DZIP3: variants seen among roughly 807,000 people sequenced by gnomAD.
DZIP3 encodes DAZ interacting zinc finger protein 3.
Under a neutral mutation model 162.0 loss-of-function variants are expected in DZIP3, and 118 were observed. That is an observed-to-expected ratio of 0.73 (90% CI 0.63 to 0.85). The LOEUF is 0.85. Ranked by LOEUF, DZIP3 falls within the 40% of genes least tolerant of loss-of-function variation. The probability of loss-of-function intolerance (pLI) is 0.00; values close to 1 mark genes in which losing one functional copy is unlikely to be tolerated. For missense variants in DZIP3, 1,331 were observed against 1,407.0 expected (o/e 0.95, Z 0.86); for synonymous variants, 438 against 458.6 (o/e 0.96, Z 0.57).
chr3:108,668,893 G>C (rs556767656), intron 21 of DZIP3, among the ~76,000 whole-genome samples: 2 of 152,026 alleles, frequency 1.3e-5, no homozygotes, highest in East Asian at 1.9e-4. Context: ...ACATATTAGA[G>C]ACTTAAAGAG....
At chr3:108,659,239 C>G (rs1246199595) in intron 19 of DZIP3, among the ~76,000 whole-genome samples, 9 of 151,988 alleles carry the variant, frequency 5.9e-5, no homozygotes. Context: ...TGCAAAAATC[C>G]TCAATAAAAT....
intron 4 of DZIP3, among the ~76,000 whole-genome samples, chr3:108,615,205 T>G (rs1365358981): frequency 6.6e-6 from 1 of 152,252 alleles, no homozygotes; most frequent in African/African-American, 2.4e-5. Flanking sequence ...TTATTTTCAT[T>G]GTGTTAGTAG....
chr3:108,669,252 A>G (rs969274256), intron 21 of DZIP3, among the ~76,000 whole-genome samples: 1 of 151,908 alleles, frequency 6.6e-6, no homozygotes, highest in African/African-American at 2.4e-5. Context: ...TTAGACCTTA[A>G]ATCTTTCATA....
chr3:108,638,785 G>T (rs1042021875), intron 12 of DZIP3, among the ~76,000 whole-genome samples: 3 of 152,064 alleles, frequency 2.0e-5, no homozygotes, highest in African/African-American at 7.2e-5. Context: ...CCATCAATAG[G>T]ACTTTTCTAA....
intron 13 of DZIP3, among the ~76,000 whole-genome samples, chr3:108,642,914 A>G (rs946669394): frequency 3.9e-5 from 6 of 152,182 alleles, no homozygotes; most frequent in South Asian, 2.1e-4. Context: ...TAAGTAATCT[A>G]AACTAAGCTG....
intron 3 of DZIP3, among the ~76,000 whole-genome samples, chr3:108,608,779 C>G (rs1245430480): frequency 1.3e-5 from 2 of 152,146 alleles, no homozygotes; most frequent in Non-Finnish European, 2.9e-5. Flanking sequence ...ATTTTACCTT[C>G]CACATAGTTT....
chr3:108,671,046 A>G (rs1278410646), intron 22 of DZIP3, among the ~76,000 whole-genome samples: 1 of 151,778 alleles, frequency 6.6e-6, no homozygotes, highest in Non-Finnish European at 1.5e-5. Context: ...CGGATACATG[A>G]TTTTCAAATA....
chr3:108,616,362 ACTT>A (rs1264901452), intron 4 of DZIP3, among the ~76,000 whole-genome samples, 176 bp from the exon 5 acceptor site: 1 of 151,942 alleles, frequency 6.6e-6, no homozygotes, highest in Non-Finnish European at 1.5e-5. Flanking sequence ...TCATCGGACT[ACTT>A]AAAAGCAAAC....
intron 4 of DZIP3, among the ~76,000 whole-genome samples, chr3:108,614,207 A>G (rs1165490389): frequency 6.6e-6 from 1 of 152,224 alleles, no homozygotes; most frequent in Non-Finnish European, 1.5e-5. Flanking sequence ...AAGACCAATC[A>G]AATTGACAAA....
At chr3:108,604,634 T>C (rs552841274) in intron 1 of DZIP3, among the ~76,000 whole-genome samples, 5 of 152,366 alleles carry the variant, frequency 3.3e-5, no homozygotes, top group African/African-American at 9.6e-5. Context: ...CCACAGATTG[T>C]GCAAGTGTTC....
intron 2 of DZIP3, among the ~76,000 whole-genome samples, 167 bp from the exon 3 acceptor site, chr3:108,607,922 T>G (rs1236706257): frequency 6.6e-6 from 1 of 152,178 alleles, no homozygotes; most frequent in Admixed American, 6.6e-5. Context: ...ATTCGTCTTC[T>G]TTAACATGAG....
At chr3:108,640,318 CA>C (rs1275258003) in intron 12 of DZIP3, among the ~76,000 whole-genome samples, 2 of 120,322 alleles carry the variant, frequency 1.7e-5, no homozygotes, top group South Asian at 2.8e-4. Flanking sequence ...GTATACTATT[CA>C]TTTTTTTTTT....
intron 26 of DZIP3, 39 bp from the exon 27 acceptor site, chr3:108,684,177 G>A (rs373650640): frequency 1.3e-4 from 209 of 1,560,268 alleles, no homozygotes; most frequent in Middle Eastern, 3.5e-4. Context: ...ATATGTGGGG[G>A]GGGGTGTTGT....
intron 6 of DZIP3, among the ~76,000 whole-genome samples, chr3:108,625,282 A>C (rs1941540849): frequency 6.6e-6 from 1 of 152,174 alleles, no homozygotes; most frequent in Non-Finnish European, 1.5e-5. Flanking sequence ...AAAAGAGTTT[A>C]TATCTATGGG....
At chr3:108,629,569 C>T (rs547199681) in intron 8 of DZIP3, among the ~76,000 whole-genome samples, 1 of 147,254 alleles carries the variant, frequency 6.8e-6, no homozygotes, top group African/African-American at 2.4e-5. Flanking sequence ...ATCTATATTT[C>T]TTCTTCAAAT....
At chr3:108,691,395 A>T (rs1053621722) in intron 32 of DZIP3, 1 of 151,722 alleles carries the variant, frequency 6.6e-6, no homozygotes, top group African/African-American at 2.4e-5. Flanking sequence ...AATAAAAGAA[A>T]AAAAAAAGAA....
chr3:108,674,078 G>C lies in DZIP3; in HGVS notation c.2590G>C (p.Val864Leu). 4 of 1,609,034 alleles carry C rather than the reference G, an allele frequency of 2.5e-6. No individual in the cohort carries two copies. The highest frequency in any genetic ancestry group is 3.4e-6 in the Non-Finnish European group (4 of 1,176,656). ...AETSRALTAE[V>L]YFLQCRRDFG... The stretch of plus-strand genomic sequence containing the variant: ...TTCTCTTTCTCTCAAAAACCTGTAG[G>C]TGTATTTCTTACAGTGTCGTAGGGA... The change falls in exon 24 of 33, where the codon GTG becomes CTG. Residue 864 changes from valine (V) to leucine (L), a missense_variant and splice_region_variant. Coordinates refer to ENST00000361582, the MANE Select transcript of DZIP3 (RefSeq NM_014648.4).
At chr3:108,666,134 G>T (rs1486048379) in intron 21 of DZIP3, among the ~76,000 whole-genome samples, 1 of 151,966 alleles carries the variant, frequency 6.6e-6, no homozygotes, top group Non-Finnish European at 1.5e-5. Flanking sequence ...CTATCTCGTG[G>T]AATTCAATGT....
intron 28 of DZIP3, among the ~76,000 whole-genome samples, chr3:108,687,351 G>A (rs1449574105): frequency 6.6e-6 from 1 of 151,978 alleles, no homozygotes; most frequent in Non-Finnish European, 1.5e-5. Context: ...CTTCATTTGG[G>A]AAACAAAAAT....
Sources: allele counts gnomAD v4.1 joint callset (sites outside exome capture counted in the v4.1 genomes callset), GRCh38; gene constraint gnomAD v4.1.1; transcripts MANE v1.5; gene names NCBI Gene and HGNC (gene_info 2026-07-23, HGNC 2026-07-21).